The following PARP15 variants were observed in gnomAD, a reference collection of about 807,000 sequenced individuals.
PARP15 encodes the protein protein mono-ADP-ribosyltransferase PARP15.
Under a neutral mutation model 62.1 loss-of-function variants are expected in PARP15, and 50 were observed. That is an observed-to-expected ratio of 0.81 (90% CI 0.64 to 1.02). The LOEUF (loss-of-function observed/expected upper bound fraction) is 1.02, where lower values mean the gene tolerates loss of function less well. Ranked by LOEUF, PARP15 falls within the 50% of genes least tolerant of loss-of-function variation. The probability of loss-of-function intolerance (pLI) is 0.00; values close to 1 mark genes in which losing one functional copy is unlikely to be tolerated. For missense variants in PARP15, 820 were observed against 826.5 expected (o/e 0.99, Z 0.10); for synonymous variants, 309 against 293.1 (o/e 1.05, Z -0.55).
chr3:122,606,092 GTGGGATCTATTTAACT>G, intron 2 of PARP15, 37 bp downstream of exon 2: 1 of 1,539,464 alleles, frequency 6.5e-7, no homozygotes, highest in Admixed American at 2.0e-5. Flanking sequence ...CCAAGGAACA[GTGGGATCTATTTAACT>G]TGTTCTGTGA....
chr3:122,610,260 T>C (rs530938602), intron 2 of PARP15, among the ~76,000 whole-genome samples: 2 of 152,362 alleles, frequency 1.3e-5, no homozygotes, highest in East Asian at 3.9e-4. Flanking sequence ...TCATTACGTG[T>C]TGATTTCACA....
intron 1 of PARP15, among the ~76,000 whole-genome samples, chr3:122,578,541 C>T (rs2080732512): frequency 6.6e-6 from 1 of 152,070 alleles, no homozygotes. Flanking sequence ...ACTAGACTTT[C>T]ATATGTGGTT....
intron 9 of PARP15, among the ~76,000 whole-genome samples, chr3:122,629,198 T>C (rs1936914326): frequency 6.6e-6 from 1 of 152,198 alleles, no homozygotes; most frequent in Non-Finnish European, 1.5e-5. Flanking sequence ...AATCTCACTA[T>C]GTTGCCCAGG....
chr3:122,632,085 G>T lies in PARP15; in HGVS notation c.1439-1G>T. 6.2e-7 allele frequency: 1 copy of T among 1,614,012 alleles called. No homozygotes were observed. The highest frequency in any genetic ancestry group is 1.3e-5 in the African/African-American group (1 of 75,020). On this transcript the variant is annotated splice_acceptor_variant, in intron 9 of 11. Coordinates refer to ENST00000464300, the MANE Select transcript of PARP15 (RefSeq NM_001113523.3). LOFTEE classifies it high-confidence loss of function. Reference sequence around the variant, plus strand: ...GTTTTGACCAAATGCTGACTTTCCAGGTAATCTTCCTGAACACTGGACTGA... The same window carrying T: ...GTTTTGACCAAATGCTGACTTTCCATGTAATCTTCCTGAACACTGGACTGA...
chr3:122,587,645 C>T (rs1364949763), intron 1 of PARP15, among the ~76,000 whole-genome samples: 1 of 152,210 alleles, frequency 6.6e-6, no homozygotes, highest in Non-Finnish European at 1.5e-5. Flanking sequence ...CCTTCCACCT[C>T]AGCCTCCCTG....
rs116311094 is a variant in PARP15, at chr3:122,619,704, G to C, written c.1001-77G>C. 2,848 of 1,242,868 alleles carry C rather than the reference G, an allele frequency of 2.3e-3. 64 individuals are homozygous for C. The African/African-American group carries it at 0.037, about 16-fold the overall frequency. The allele number at this position is 1,242,868 out of a possible 1,614,324, so 77.0% of individuals were successfully genotyped here. A position where few individuals can be genotyped will look rare whatever the true frequency, so the allele number is the denominator to read the frequency against. On this transcript the variant is annotated intron_variant, in intron 6 of 11. Coordinates refer to ENST00000464300, the MANE Select transcript of PARP15 (RefSeq NM_001113523.3). The stretch of plus-strand genomic sequence containing the variant: ...TATGCACAAAAGGGTGAGTTGAGCA[G>C]AAGTCTAATGTACAAAAACTATAAC...
chr3:122,577,684 C>G lies in PARP15; in HGVS notation c.17C>G (p.Pro6Arg), dbSNP rs1447244788. Residue 6 changes from proline (P) to arginine (R), a missense_variant, in exon 1 of 12, where the codon CCC becomes CGC. Pro to Arg is a moderately radical substitution (Grantham distance 103). Around this residue, in one of 3 missense-constraint regions of PARP15, gnomAD observed 731 missense variants for 727.7 expected, o/e 1.00. Coordinates refer to ENST00000464300, the MANE Select transcript of PARP15 (RefSeq NM_001113523.3). MAAPG[P>R]LPAAALSPGA... ...GAGCTGAGGATGGCTGCGCCAGGCC[C>G]CCTTCCTGCCGCTGCTCTGAGTCCA... 3.2e-6 allele frequency: 5 copies of G among 1,551,582 alleles called. No homozygotes were observed. Among genetic ancestry groups the G allele is most frequent in the Non-Finnish European group, 4.4e-6 (5 of 1,146,886 alleles).
intron 1 of PARP15, among the ~76,000 whole-genome samples, chr3:122,589,429 C>T (rs940625082): frequency 2.6e-5 from 4 of 152,134 alleles, no homozygotes; most frequent in Non-Finnish European, 4.4e-5. Flanking sequence ...TATGTTTTCA[C>T]GCCTCTTGGG....
At chr3:122,618,816 CAG>C (rs1362459379) in intron 6 of PARP15, among the ~76,000 whole-genome samples, 1 of 152,164 alleles carries the variant, frequency 6.6e-6, no homozygotes, top group African/African-American at 2.4e-5. Flanking sequence ...GAGCAGCAGA[CAG>C]GAGGTGCTGC....
At chr3:122,594,580 A>G (rs757063707) in intron 1 of PARP15, 10 of 971,074 alleles carry the variant, frequency 1.0e-5, no homozygotes, top group Non-Finnish European at 1.2e-5. Context: ...AAATTGATAT[A>G]GGGTAGGGGA....
At chr3:122,601,722 A>T (rs1196660427) in intron 1 of PARP15, among the ~76,000 whole-genome samples, 1 of 152,192 alleles carries the variant, frequency 6.6e-6, no homozygotes, top group African/African-American at 2.4e-5. Context: ...ATAAAGCTTT[A>T]TTGCTTCCAG....
In PARP15 at chr3:122,617,141, C is replaced by G; in HGVS notation, c.977C>G (p.Ala326Gly). The change falls in exon 6 of 12, where the codon GCA becomes GGA. Residue 326 changes from alanine to glycine, a missense_variant. Physicochemically the swap from Ala to Gly is moderately conservative, Grantham distance 60. Around this residue, in one of 3 missense-constraint regions of PARP15, gnomAD observed 731 missense variants for 727.7 expected, o/e 1.00. Transcript: ENST00000464300. The part of the protein sequence containing the change: ...EQVDVIVNST[A>G]RTFNRKSGVS... Reference sequence around the variant, plus strand: ...GTAGATGTTATTGTAAACTCAACAGCAAGGACATTTAATCGGAAATCAGGT... The same window carrying G: ...GTAGATGTTATTGTAAACTCAACAGGAAGGACATTTAATCGGAAATCAGGT... The G allele has an allele frequency of 6.2e-7, 1 of 1,612,918 alleles. No homozygotes were observed. Among genetic ancestry groups the G allele is most frequent in the Middle Eastern group, 1.7e-4 (1 of 6,054 alleles).
chr3:122,637,824 G>A lies in PARP15; in HGVS notation c.*1724G>A, dbSNP rs1937447964. On this transcript the variant is annotated 3_prime_UTR_variant, in exon 12 of 12. Coordinates refer to ENST00000464300, the MANE Select transcript of PARP15 (RefSeq NM_001113523.3). ...TTAATCTTTTTTTATTATACTTTAAGTTTTAGGGTACATGTGCACAATGTG... is the reference window on the plus strand; with the variant it reads ...TTAATCTTTTTTTATTATACTTTAAATTTTAGGGTACATGTGCACAATGTG... 6.6e-6 allele frequency: 1 copy of A among 151,822 alleles called. No homozygotes were observed. The highest frequency in any genetic ancestry group is 2.4e-5 in the African/African-American group (1 of 41,296). The allele number at this position is 151,822 out of a possible 1,614,324, so 9.4% of individuals were successfully genotyped here. A position where few individuals can be genotyped will look rare whatever the true frequency, so the allele number is the denominator to read the frequency against.
At chr3:122,603,546 G>C (rs1410476421) in intron 1 of PARP15, among the ~76,000 whole-genome samples, 1 of 152,164 alleles carries the variant, frequency 6.6e-6, no homozygotes, top group Non-Finnish European at 1.5e-5. Flanking sequence ...CATAATAATT[G>C]GTTGTCTGGA....
intron 1 of PARP15, among the ~76,000 whole-genome samples, chr3:122,586,924 CT>C (rs1405629711): frequency 6.6e-6 from 1 of 152,206 alleles, no homozygotes; most frequent in Non-Finnish European, 1.5e-5. Context: ...AATAATTTCA[CT>C]GCCCTAAAAA....
chr3:122,591,012 CA>C (rs1373351565), intron 1 of PARP15, among the ~76,000 whole-genome samples: 1 of 152,128 alleles, frequency 6.6e-6, no homozygotes, highest in Non-Finnish European at 1.5e-5. Flanking sequence ...TCTGACTTTA[CA>C]AAATATAATG....
chr3:122,636,051 T>C lies in PARP15; in HGVS notation c.1988T>C (p.Phe663Ser). The change falls in exon 12 of 12, where the codon TTC becomes TCC. Residue 663 changes from phenylalanine (F) to serine (S), a missense_variant. By Grantham distance (155) the Phe-to-Ser change is radical. Transcript: ENST00000464300. Reference protein sequence around the residue: ...NTRSPKLFVVFFDNQAYPEYL... With the variant: ...NTRSPKLFVVSFDNQAYPEYL... ...CGATCTCCAAAGCTATTTGTGGTAT[T>C]CTTTGATAATCAGGCTTACCCAGAA... is the stretch of plus-strand genomic sequence containing the variant. 6.2e-7 allele frequency: 1 copy of C among 1,614,066 alleles called. No homozygotes were observed. The highest frequency in any genetic ancestry group is 8.5e-7 in the Non-Finnish European group (1 of 1,179,948).
intron 1 of PARP15, among the ~76,000 whole-genome samples, chr3:122,601,197 T>C (rs1934774406): frequency 6.6e-6 from 1 of 152,020 alleles, no homozygotes. Flanking sequence ...CTAATTTTTG[T>C]ATTTTTAGTA....
chr3:122,593,130 A>ATCTG (rs1934072368), intron 1 of PARP15, among the ~76,000 whole-genome samples: 2 of 149,422 alleles, frequency 1.3e-5, no homozygotes, highest in South Asian at 4.3e-4. Context: ...CTATGTATCT[A>ATCTG]TCTATCATGT....
Sources: gnomAD v4.1 joint callset for allele counts (sites outside exome capture counted in the v4.1 genomes callset) on GRCh38, gnomAD v4.1.1 for gene constraint, gnomAD v4.1.1 regional missense constraint, MANE v1.5 for transcripts, NCBI Gene and HGNC (gene_info 2026-07-23, HGNC 2026-07-21) for gene names.